Variants in DCC observed in about 807,000 individuals in gnomAD.
The protein encoded by DCC is netrin receptor DCC.
Under a neutral mutation model 172.5 loss-of-function variants are expected in DCC, and 58 were observed. The ratio of observed to expected loss-of-function variants is 0.34; its 90% CI spans 0.27 to 0.42. DCC has a LOEUF of 0.42. Among genes scored for constraint, DCC ranks in the 10% least tolerant of loss-of-function variants. The probability of loss-of-function intolerance (pLI) is 1.00; values close to 1 mark genes in which losing one functional copy is unlikely to be tolerated. For missense variants in DCC, 1,740 were observed against 1,791.0 expected, an observed-to-expected ratio of 0.97 and a Z score of 0.51; for synonymous variants, 709 against 644.5, an observed-to-expected ratio of 1.10 and a Z score of -1.52.
intron 1 of DCC, among the ~76,000 whole-genome samples, chr18:52,590,794 C>T (rs1319093971): frequency 1.3e-5 from 2 of 152,212 alleles, no homozygotes; most frequent in Non-Finnish European, 2.9e-5. Context: ...TTAAGTTCTA[C>T]AAAGTAAGAT....
At chr18:53,153,527 G>T (rs1221317176) in intron 7 of DCC, among the ~76,000 whole-genome samples, 1 of 152,062 alleles carries the variant, frequency 6.6e-6, no homozygotes, top group Admixed American at 6.6e-5. Flanking sequence ...CTTTAAAGTG[G>T]TCTCCGATAG....
At chr18:52,431,297 A>G (rs1314255426) in intron 1 of DCC, among the ~76,000 whole-genome samples, 1 of 152,156 alleles carries the variant, frequency 6.6e-6, no homozygotes, top group Non-Finnish European at 1.5e-5. Flanking sequence ...GAAAAAAAAT[A>G]AGAAAAGCAA....
At chr18:52,845,650 C>T (rs1314866231) in intron 2 of DCC, among the ~76,000 whole-genome samples, 2 of 152,188 alleles carry the variant, frequency 1.3e-5, no homozygotes, top group African/African-American at 4.8e-5. Flanking sequence ...GCTCCTCCAT[C>T]ATAGGGCATA....
intron 13 of DCC, among the ~76,000 whole-genome samples, chr18:53,313,056 A>AG (rs2057299829): frequency 3.0e-5 from 3 of 100,800 alleles, no homozygotes; most frequent in Non-Finnish European, 4.5e-5. Context: ...AAGGGAGGGA[A>AG]GGAAAGGGTG....
intron 7 of DCC, among the ~76,000 whole-genome samples, chr18:53,122,747 T>C (rs1327006865): frequency 2.0e-5 from 3 of 152,180 alleles, no homozygotes; most frequent in South Asian, 2.1e-4. Flanking sequence ...ATGATGGTTA[T>C]TGCAGAAGTA....
chr18:52,755,637 C>G (rs1232188549), intron 2 of DCC, among the ~76,000 whole-genome samples: 1 of 152,118 alleles, frequency 6.6e-6, no homozygotes, highest in East Asian at 1.9e-4. Flanking sequence ...AGACCATGGA[C>G]CTGATTTAAT....
At chr18:53,313,805 G>A (rs2057312195) in intron 13 of DCC, among the ~76,000 whole-genome samples, 1 of 152,186 alleles carries the variant, frequency 6.6e-6, no homozygotes, top group African/African-American at 2.4e-5. Flanking sequence ...GCAAGAGACA[G>A]AACAGAGTCA....
In DCC at chr18:53,249,250, T is replaced by C. The variant is rs556382487; in HGVS notation, c.1911+33653T>C. ...TCATTTAGTAAAAGTATGTGTTTTT[T>C]TTATTTGAACAAACAAATATTATAG... is the stretch of plus-strand genomic sequence containing the variant. On this transcript the variant is annotated intron_variant, in intron 12 of 28. Transcript: ENST00000442544. Among the ~76,000 whole-genome samples the C allele has an allele frequency of 1.8e-3, 279 of 152,136 alleles. 1 individual carries two copies. The highest frequency in any genetic ancestry group is 6.0e-3 in the African/African-American group (250 of 41,550).
intron 1 of DCC, among the ~76,000 whole-genome samples, chr18:52,633,868 C>G (rs764580697): frequency 2.6e-5 from 4 of 152,178 alleles, no homozygotes; most frequent in Non-Finnish European, 4.4e-5. Flanking sequence ...AAACTGAGAA[C>G]AGGAGAGAGA....
At chr18:52,460,556 C>T (rs1988599277) in intron 1 of DCC, among the ~76,000 whole-genome samples, 1 of 152,124 alleles carries the variant, frequency 6.6e-6, no homozygotes, top group Non-Finnish European at 1.5e-5. Context: ...CTGAGAAATG[C>T]ATCACTCGGT....
At chr18:53,150,513 G>A (rs755493947) in intron 7 of DCC, among the ~76,000 whole-genome samples, 2 of 152,198 alleles carry the variant, frequency 1.3e-5, no homozygotes, top group Non-Finnish European at 2.9e-5. Flanking sequence ...CATACAATTT[G>A]TAATAGGATC....
chr18:52,700,282 A>G (rs950921081), intron 1 of DCC, among the ~76,000 whole-genome samples: 7 of 80,892 alleles, frequency 8.7e-5, no homozygotes, highest in African/African-American at 2.0e-4. Context: ...GCACACATGC[A>G]CACACATGCA....
At chr18:52,608,494 A>G (rs913262288) in intron 1 of DCC, among the ~76,000 whole-genome samples, 10 of 152,286 alleles carry the variant, frequency 6.6e-5, no homozygotes, top group Non-Finnish European at 1.0e-4. Flanking sequence ...ATCCACTTGG[A>G]AACGAGAGGA....
intron 15 of DCC, among the ~76,000 whole-genome samples, chr18:53,370,840 C>T (rs2058053952): frequency 6.6e-6 from 1 of 151,648 alleles, no homozygotes; most frequent in South Asian, 2.1e-4. Context: ...TCTACATATG[C>T]CTGTTAAATC....
intron 17 of DCC, among the ~76,000 whole-genome samples, chr18:53,396,984 C>G (rs138217674): frequency 6.6e-6 from 1 of 151,882 alleles, no homozygotes; most frequent in Non-Finnish European, 1.5e-5. Context: ...TTATAAGAGG[C>G]ATAGTCTCAT....
rs562930835 is a variant in DCC at position 53,363,201 on chromosome 18, G to C, written c.2360-22842G>C. Among the ~76,000 whole-genome samples, 4 of 152,242 alleles carry C rather than the reference G, an allele frequency of 2.6e-5. No individual in the cohort carries two copies. In the South Asian group the frequency reaches 8.3e-4, roughly 32 times the overall value. On this transcript the variant is annotated intron_variant, in intron 15 of 28. Transcript: ENST00000442544. ...ACATTAGGTGACGTACCTTTCACATGCTCTCTCTTGAAAGGCAAATACAGC... is the reference window on the plus strand; with the variant it reads ...ACATTAGGTGACGTACCTTTCACATCCTCTCTCTTGAAAGGCAAATACAGC...
At chr18:52,880,409 A>G (rs952187957) in intron 2 of DCC, among the ~76,000 whole-genome samples, 8 of 152,158 alleles carry the variant, frequency 5.3e-5, no homozygotes, top group African/African-American at 1.7e-4. Flanking sequence ...TCAGCCTCCC[A>G]AAGTGTTAGG....
intron 1 of DCC, among the ~76,000 whole-genome samples, chr18:52,549,066 A>G (rs2032693446): frequency 6.6e-6 from 1 of 152,086 alleles, no homozygotes; most frequent in Admixed American, 6.6e-5. Context: ...ATTAAACACA[A>G]TATGAGCAAT....
chr18:53,380,510 C>G (rs1407665702), intron 15 of DCC, among the ~76,000 whole-genome samples: 1 of 152,118 alleles, frequency 6.6e-6, no homozygotes, highest in African/African-American at 2.4e-5. Flanking sequence ...AGGACCGGAA[C>G]AAAATCCTAT....
Sources: allele counts gnomAD v4.1 joint callset (sites outside exome capture counted in the v4.1 genomes callset), GRCh38; gene constraint gnomAD v4.1.1; transcripts MANE v1.5; gene names NCBI Gene and HGNC (gene_info 2026-07-23, HGNC 2026-07-21).